KCNMA1: variants seen among roughly 807,000 people sequenced by gnomAD.
KCNMA1 encodes the protein potassium calcium-activated channel subfamily M alpha 1, also known as Calcium-activated potassium channel subunit alpha-1.
KCNMA1 carries 29 observed loss-of-function variants against 140.0 expected under a neutral mutation model. That is an observed-to-expected ratio of 0.21 (90% confidence interval 0.15 to 0.28). The LOEUF (loss-of-function observed/expected upper bound fraction) is 0.28. Ranked by LOEUF, KCNMA1 falls within the 10% of genes least tolerant of loss-of-function variation. The pLI is 1.00. For missense variants in KCNMA1, 880 were observed against 1,602.2 expected (o/e 0.55, Z 7.70); for synonymous variants, 612 against 611.9 (o/e 1.00, Z 0.00).
At chr10:77,607,546 C>A (rs1364913726) in intron 1 of KCNMA1, among the ~76,000 whole-genome samples, 2 of 152,036 alleles carry the variant, frequency 1.3e-5, no homozygotes, top group African/African-American at 4.8e-5. Context: ...AAAGGTCCTT[C>A]AAAGAGGGAG....
chr10:77,404,158 A>G (rs1189702303), intron 1 of KCNMA1, 135 bp from the exon 2 acceptor site: 1 of 727,196 alleles, frequency 1.4e-6, no homozygotes, highest in Non-Finnish European at 2.4e-6. Flanking sequence ...GGAGTAAAGC[A>G]GAAGGGGTAA....
intron 2 of KCNMA1, among the ~76,000 whole-genome samples, chr10:77,340,299 T>C (rs1380607429): frequency 6.6e-6 from 1 of 152,146 alleles, no homozygotes; most frequent in Non-Finnish European, 1.5e-5. Context: ...TGGAAGACAG[T>C]GTGGCAATTC....
At chr10:77,278,428 G>C (rs1158015105) in intron 2 of KCNMA1, among the ~76,000 whole-genome samples, 1 of 152,142 alleles carries the variant, frequency 6.6e-6, no homozygotes, top group South Asian at 2.1e-4. Context: ...TCTATCAAAA[G>C]TAAGAAAAGT....
At chr10:77,518,577 G>T (rs1053916147) in intron 1 of KCNMA1, among the ~76,000 whole-genome samples, 3 of 152,198 alleles carry the variant, frequency 2.0e-5, no homozygotes, top group Non-Finnish European at 4.4e-5. Flanking sequence ...AGGGCCGAAG[G>T]AAGAAGCCCA....
chr10:77,266,931 C>T (rs942407259), intron 2 of KCNMA1, among the ~76,000 whole-genome samples: 2 of 152,196 alleles, frequency 1.3e-5, no homozygotes, highest in African/African-American at 2.4e-5. Context: ...ACCAAAGAGC[C>T]ACAGCCCTTG....
In KCNMA1 at chr10:77,575,830, C is replaced by G. The variant is rs77685133; in HGVS notation, c.378+61435G>C. The stretch of plus-strand genomic sequence containing the variant: ...CGATCTCACTGGTGCCTCAGAGCCA[C>G]TGGAAGGCCAGTTAAAATAGAGCCC... On this transcript the variant is annotated intron_variant, in intron 1 of 27. Coordinates refer to ENST00000286628, the MANE Select transcript of KCNMA1 (RefSeq NM_001161352.2). 7.7e-4 allele frequency among the ~76,000 whole-genome samples: 118 copies of G among 152,368 alleles called. 3 individuals carry two copies. The East Asian group carries it at 0.019, about 25-fold the overall frequency.
chr10:77,214,893 T>C (rs2047215291), intron 3 of KCNMA1, among the ~76,000 whole-genome samples: 1 of 151,332 alleles, frequency 6.6e-6, no homozygotes, highest in South Asian at 2.1e-4. Flanking sequence ...TGGGGCACCT[T>C]CTCTCCTCTC....
intron 1 of KCNMA1, among the ~76,000 whole-genome samples, chr10:77,484,648 CT>C (rs1321745877): frequency 1.3e-5 from 2 of 152,222 alleles, no homozygotes; most frequent in African/African-American, 4.8e-5. Flanking sequence ...GCCTGTGTAT[CT>C]CCATGGTTCT....
At chr10:77,415,905 C>T (rs578114999) in intron 1 of KCNMA1, among the ~76,000 whole-genome samples, 2 of 152,330 alleles carry the variant, frequency 1.3e-5, no homozygotes, top group South Asian at 2.1e-4. Context: ...GACATTATAT[C>T]GTTACTCCTT....
At chr10:77,510,344 A>G (rs1210911798) in intron 1 of KCNMA1, among the ~76,000 whole-genome samples, 4 of 152,106 alleles carry the variant, frequency 2.6e-5, no homozygotes, top group African/African-American at 4.8e-5. Flanking sequence ...AGGAAGAAAT[A>G]CAGCATACCT....
intron 5 of KCNMA1, among the ~76,000 whole-genome samples, chr10:77,122,974 C>T (rs1192979238): frequency 2.0e-5 from 3 of 151,094 alleles, no homozygotes; most frequent in Non-Finnish European, 4.4e-5. Flanking sequence ...GTCAGGAGAT[C>T]GAGACCATCC....
At chr10:77,168,306 G>A (rs1246304139) in intron 5 of KCNMA1, among the ~76,000 whole-genome samples, 1 of 152,208 alleles carries the variant, frequency 6.6e-6, no homozygotes, top group African/African-American at 2.4e-5. Flanking sequence ...GGCCGGTAAA[G>A]AGCTTTGTCC....
In KCNMA1 at chr10:77,340,643, T is replaced by C. The variant is rs1235846658; in HGVS notation, c.540+63219A>G. 2.8e-5 allele frequency among the ~76,000 whole-genome samples: 4 copies of C among 144,488 alleles called. No individual in the cohort carries two copies. The East Asian group carries it at 6.1e-4, about 22-fold the overall frequency. The allele number at this position is 144,488 out of a possible 152,430, so 94.8% of individuals were successfully genotyped here. A position where few individuals can be genotyped will look rare whatever the true frequency, so the allele number is the denominator to read the frequency against. On this transcript the variant is annotated intron_variant, in intron 2 of 27. Coordinates refer to ENST00000286628, the MANE Select transcript of KCNMA1 (RefSeq NM_001161352.2). ...ACCAAACACTGCATGTTCTCACTCATAGGTGGGAATTGAACAATGAGAACA... is the reference window on the plus strand; with the variant it reads ...ACCAAACACTGCATGTTCTCACTCACAGGTGGGAATTGAACAATGAGAACA...
intron 2 of KCNMA1, among the ~76,000 whole-genome samples, chr10:77,329,210 A>G (rs1016379532): frequency 6.6e-6 from 1 of 151,844 alleles, no homozygotes; most frequent in South Asian, 2.1e-4. Context: ...TCATCAAAAA[A>G]CCCTTCATAA....
At chr10:77,324,971 C>CTGTGTGTGTG (rs144907110) in intron 2 of KCNMA1, among the ~76,000 whole-genome samples, 8 of 90,444 alleles carry the variant, frequency 8.8e-5, no homozygotes, top group South Asian at 4.8e-4. Flanking sequence ...CTCTCTCTCT[C>CTGTGTGTGTG]TGTGTGTGTG....
chr10:77,177,241 T>C lies in KCNMA1; in HGVS notation c.808+6180A>G, dbSNP rs534966525. Among the ~76,000 whole-genome samples the C allele has an allele frequency of 5.7e-4, 87 of 152,164 alleles. 1 individual carries two copies. The highest frequency in any genetic ancestry group is 1.8e-3 in the African/African-American group (75 of 41,522). The stretch of plus-strand genomic sequence containing the variant: ...TGGCACTCAGCAAGGCCTCTCTCTT[T>C]CTTCCTTCCTTCCTTTCTTCCTTCC... On this transcript the variant is annotated intron_variant, in intron 5 of 27. Coordinates refer to ENST00000286628, the MANE Select transcript of KCNMA1 (RefSeq NM_001161352.2).
chr10:77,466,567 A>G (rs1274527507), intron 1 of KCNMA1, among the ~76,000 whole-genome samples: 1 of 152,204 alleles, frequency 6.6e-6, no homozygotes, highest in African/African-American at 2.4e-5. Context: ...AATACTACAT[A>G]TTACATATAT....
chr10:77,455,211 C>T (rs990349318), intron 1 of KCNMA1, among the ~76,000 whole-genome samples: 4 of 152,168 alleles, frequency 2.6e-5, no homozygotes. Flanking sequence ...ACACCAAGCC[C>T]AAGCACAGGC....
At chr10:77,223,874 G>A (rs1284603640) in intron 3 of KCNMA1, among the ~76,000 whole-genome samples, 1 of 152,130 alleles carries the variant, frequency 6.6e-6, no homozygotes, top group Non-Finnish European at 1.5e-5. Context: ...GATCTGCTAA[G>A]TATATGGAAG....
Sources: allele counts gnomAD v4.1 joint callset (sites outside exome capture counted in the v4.1 genomes callset), GRCh38; gene constraint gnomAD v4.1.1; transcripts MANE v1.5; gene names NCBI Gene and HGNC (gene_info 2026-07-23, HGNC 2026-07-21).